CDH12: variants seen among roughly 807,000 people sequenced by gnomAD.
The protein encoded by CDH12 is cadherin 12.
In CDH12, 41 loss-of-function variants were observed where a neutral mutation model predicts 74.1. That is an observed-to-expected ratio of 0.55 (90% CI 0.43 to 0.72). CDH12 has a LOEUF of 0.72. CDH12 is among the 30% of genes least tolerant of loss of function. The pLI, the probability that CDH12 is intolerant of heterozygous loss-of-function variation, is 0.00. For synonymous variants in CDH12, 399 were observed against 355.0 expected, an observed-to-expected ratio of 1.12 and a Z score of -1.39; for missense variants, 945 against 977.2, an observed-to-expected ratio of 0.97 and a Z score of 0.44.
At chr5:22,763,749 T>A (rs1746352596) in intron 1 of CDH12, among the ~76,000 whole-genome samples, 1 of 151,994 alleles carries the variant, frequency 6.6e-6, no homozygotes. Context: ...TAAAGTTTGA[T>A]CATCTTCATT....
intron 3 of CDH12, among the ~76,000 whole-genome samples, chr5:22,315,143 T>TTC (rs1554030826): frequency 7.3e-6 from 1 of 136,650 alleles, no homozygotes; most frequent in Non-Finnish European, 1.6e-5. Context: ...TTTTTTTTTT[T>TTC]AGTAGAGACG....
In CDH12 at chr5:21,938,723, CATATATAT is replaced by C. The variant is rs545475183; in HGVS notation, c.526+36360_526+36367del. Reference sequence around the variant, plus strand: ...TATAATATTTTATATATATAATATACATATATATATATATATATATATATATCTTCTAC... The same window carrying C: ...TATAATATTTTATATATATAATATACATATATATATATATATATCTTCTAC... On this transcript the variant is annotated intron_variant, in intron 6 of 14. Coordinates refer to ENST00000382254, the MANE Select transcript of CDH12 (RefSeq NM_004061.5). 1.4e-3 allele frequency among the ~76,000 whole-genome samples: 162 copies of C among 112,046 alleles called. 1 individual carries two copies. Among genetic ancestry groups the C allele is most frequent in the African/African-American group, 1.8e-3 (46 of 25,146 alleles). The allele number at this position is 112,046 out of a possible 152,430, so 73.5% of individuals were successfully genotyped here.
At chr5:22,073,941 C>T (rs1742127410) in intron 5 of CDH12, among the ~76,000 whole-genome samples, 1 of 152,070 alleles carries the variant, frequency 6.6e-6, no homozygotes, top group Non-Finnish European at 1.5e-5. Context: ...GCTCTTTCTA[C>T]CAAGAACCAG....
At chr5:22,140,433 G>A (rs1746719882) in intron 4 of CDH12, among the ~76,000 whole-genome samples, 1 of 144,278 alleles carries the variant, frequency 6.9e-6, no homozygotes, top group African/African-American at 2.4e-5. Flanking sequence ...ATTTAAAAGT[G>A]TATAAAGTAA....
intron 5 of CDH12, among the ~76,000 whole-genome samples, chr5:22,024,371 T>C (rs1037126981): frequency 3.3e-5 from 5 of 152,112 alleles, no homozygotes; most frequent in African/African-American, 1.2e-4. Flanking sequence ...ACTTAAGAAA[T>C]AATTTGCATT....
At chr5:22,434,039 C>T (rs553415862) in intron 2 of CDH12, among the ~76,000 whole-genome samples, 1 of 152,210 alleles carries the variant, frequency 6.6e-6, no homozygotes, top group Admixed American at 6.6e-5. Context: ...ATATCCAGCC[C>T]CCACACATGA....
At chr5:22,089,491 G>T (rs1274497759) in intron 4 of CDH12, among the ~76,000 whole-genome samples, 3 of 148,820 alleles carry the variant, frequency 2.0e-5, no homozygotes, top group Non-Finnish European at 4.5e-5. Context: ...AAGGAAGGAA[G>T]ACAGTTGATA....
At chr5:22,415,998 A>G (rs1256596464) in intron 2 of CDH12, among the ~76,000 whole-genome samples, 1 of 151,668 alleles carries the variant, frequency 6.6e-6, no homozygotes, top group Non-Finnish European at 1.5e-5. Flanking sequence ...TGTGGAAAAA[A>G]TGGTAAAAAC....
rs1020585998 is a variant in CDH12, at chr5:21,750,952, T to C, written c.*785A>G. 1.3e-5 allele frequency: 2 copies of C among 151,982 alleles called. No individual in the cohort carries two copies. The highest frequency in any genetic ancestry group is 1.3e-4 in the Admixed American group (2 of 15,252). The allele number at this position is 151,982 out of a possible 1,614,324, so 9.4% of individuals were successfully genotyped here. On this transcript the variant is annotated 3_prime_UTR_variant, in exon 15 of 15. Coordinates refer to ENST00000382254, the MANE Select transcript of CDH12 (RefSeq NM_004061.5). Reference sequence around the variant, plus strand: ...ATAAAGAGGAATATTTTTTCTTTTTTTTCTTTCTTTTTTTTTTGGAAAAGA... The same window carrying C: ...ATAAAGAGGAATATTTTTTCTTTTTCTTCTTTCTTTTTTTTTTGGAAAAGA...
intron 2 of CDH12, among the ~76,000 whole-genome samples, chr5:22,493,970 G>A (rs1002819997): frequency 1.3e-5 from 2 of 152,132 alleles, no homozygotes; most frequent in Non-Finnish European, 2.9e-5. Context: ...CCAGGGTTGG[G>A]GGAGGCAGTG....
At chr5:21,925,439 CTT>C (rs1168548256) in intron 6 of CDH12, among the ~76,000 whole-genome samples, 2 of 152,166 alleles carry the variant, frequency 1.3e-5, no homozygotes, top group African/African-American at 2.4e-5. Context: ...CCTATTGACT[CTT>C]GTATTCAGGC....
chr5:21,893,101 T>C (rs984625058), intron 6 of CDH12, among the ~76,000 whole-genome samples: 4 of 152,214 alleles, frequency 2.6e-5, no homozygotes, highest in African/African-American at 9.6e-5. Flanking sequence ...CTTGTTCTTA[T>C]CTTTTGAACA....
At chr5:21,873,184 T>C (rs532116598) in intron 6 of CDH12, among the ~76,000 whole-genome samples, 9 of 152,166 alleles carry the variant, frequency 5.9e-5, no homozygotes, top group Non-Finnish European at 1.0e-4. Context: ...TCCTATGAAC[T>C]GTTCATATTT....
At chr5:22,095,165 C>T (rs572115443) in intron 4 of CDH12, among the ~76,000 whole-genome samples, 5 of 152,136 alleles carry the variant, frequency 3.3e-5, no homozygotes, top group Non-Finnish European at 7.4e-5. Context: ...ACCTCAGGTC[C>T]TCAGACCCAC....
chr5:21,803,902 C>T (rs1561198716), intron 9 of CDH12, among the ~76,000 whole-genome samples: 1 of 151,806 alleles, frequency 6.6e-6, no homozygotes, highest in Non-Finnish European at 1.5e-5. Context: ...AAAACAAAAA[C>T]AAAAAAACAC....
intron 2 of CDH12, among the ~76,000 whole-genome samples, chr5:22,443,242 A>G (rs1218944208): frequency 6.6e-6 from 1 of 152,160 alleles, no homozygotes. Flanking sequence ...ACTTTTAATT[A>G]AGGCTAACAG....
At chr5:22,102,537 C>T (rs983841524) in intron 4 of CDH12, among the ~76,000 whole-genome samples, 1 of 152,092 alleles carries the variant, frequency 6.6e-6, no homozygotes, top group East Asian at 1.9e-4. Flanking sequence ...GGCATGGTGG[C>T]GGTCACTTGT....
At chr5:21,760,732 C>A (rs1744675278) in intron 12 of CDH12, 57 bp from the exon 13 acceptor site, 1 of 993,352 alleles carries the variant, frequency 1.0e-6, no homozygotes, top group Admixed American at 1.7e-5. Context: ...CTTTACACAG[C>A]AGGCTACTAA....
rs1435403949 is a variant in CDH12, at chr5:21,833,196, ATATATATATTATAATATATATTATATGT to A, written c.814+8937_814+8964del. Among the ~76,000 whole-genome samples, 4 of 32,938 alleles carry A rather than the reference ATATATATATTATAATATATATTATATGT, an allele frequency of 1.2e-4. 1 individual carries two copies. In the East Asian group the frequency reaches 5.8e-3, roughly 48 times the overall value. The allele number at this position is 32,938 out of a possible 152,430, so 21.6% of individuals were successfully genotyped here. A position where few individuals can be genotyped will look rare whatever the true frequency, so the allele number is the denominator to read the frequency against. On this transcript the variant is annotated intron_variant, in intron 8 of 14. Transcript: ENST00000382254. ...ATAAATATATATTATATAACATATA[ATATATATATTATAATATATATTATATGT>A]TATATAACATATAATATATATTATA...
Sources: allele counts gnomAD v4.1 joint callset (sites outside exome capture counted in the v4.1 genomes callset), GRCh38; gene constraint gnomAD v4.1.1; transcripts MANE v1.5; gene names NCBI Gene and HGNC (gene_info 2026-07-23, HGNC 2026-07-21).